The following ATP8B2 variants were observed in gnomAD, a reference collection of about 807,000 sequenced individuals.
ATP8B2 encodes phospholipid-transporting ATPase ID.
A neutral mutation model predicts 133.4 loss-of-function variants in ATP8B2; 70 were observed. That is an observed-to-expected ratio of 0.52 (90% confidence interval 0.43 to 0.64). The LOEUF (loss-of-function observed/expected upper bound fraction) is 0.64, where lower values mean the gene tolerates loss of function less well. Ranked by LOEUF, ATP8B2 falls within the 30% of genes least tolerant of loss-of-function variation. The pLI is 0.00. For synonymous variants in ATP8B2, 517 were observed against 589.5 expected (o/e 0.88, Z 1.78); for missense variants, 1,101 against 1,535.7 (o/e 0.72, Z 4.73).
chr1:154,334,686 A>T lies in ATP8B2; in HGVS notation c.837+95A>T, dbSNP rs1686114993. The T allele has an allele frequency of 9.0e-7, 1 of 1,105,862 alleles. No homozygotes were observed. The highest frequency in any genetic ancestry group is 1.3e-6 in the Non-Finnish European group (1 of 759,226). The allele number at this position is 1,105,862 out of a possible 1,614,324, so 68.5% of individuals were successfully genotyped here. ...CTTTCTTCTTTGGTCAGTAGACTTC[A>T]GGTTTGGCTTTAAAGCTGCTAGCAG... is the stretch of plus-strand genomic sequence containing the variant. On this transcript the variant is annotated intron_variant, in intron 11 of 27. Coordinates refer to ENST00000368489, the MANE Select transcript of ATP8B2 (RefSeq NM_001370597.1). This position sits in a 1 kb window ranked among gnomAD's most constrained non-coding sequence, Gnocchi z 4.6.
chr1:154,326,392 A>G (rs892932131), intron 1 of ATP8B2, among the ~76,000 whole-genome samples: 1 of 152,140 alleles, frequency 6.6e-6, no homozygotes, highest in Admixed American at 6.5e-5. Context: ...GTTTTCCTCC[A>G]TGGAGCATTG....
chr1:154,337,538 A>C lies in ATP8B2; in HGVS notation c.1028A>C (p.Tyr343Ser). 6.2e-7 allele frequency: 1 copy of C among 1,614,066 alleles called. No homozygotes were observed. Among genetic ancestry groups the C allele is most frequent in the Non-Finnish European group, 8.5e-7 (1 of 1,179,996 alleles). Residue 343 changes from tyrosine (Y) to serine (S), a missense_variant, in exon 12 of 28, where the codon TAT (tyrosine) becomes TCT (serine). By Grantham distance (144) the Tyr-to-Ser change is moderately radical (BLOSUM62 -2). Transcript: ENST00000368489. ...AACACCGTTGTGCCCATTTCACTCTATGTCAGGTATGTGCCTTCTCTGACC... is the reference window on the plus strand; with the variant it reads ...AACACCGTTGTGCCCATTTCACTCTCTGTCAGGTATGTGCCTTCTCTGACC... ...ILNTVVPISL[Y>S]VSVEVIRLGH... is the part of the protein sequence containing the mutation.
chr1:154,348,384 C>T, intron 26 of ATP8B2, 24 bp from the exon 27 acceptor site: 1 of 1,588,018 alleles, frequency 6.3e-7, no homozygotes, highest in Non-Finnish European at 8.6e-7. Context: ...ACTCCCAAGG[C>T]CACTGACTCC....
intron 12 of ATP8B2, among the ~76,000 whole-genome samples, chr1:154,339,676 G>A (rs1686310584): frequency 6.6e-6 from 1 of 152,166 alleles, no homozygotes; most frequent in African/African-American, 2.4e-5. Flanking sequence ...GGGTTGAAGA[G>A]CTGTGTGAGG....
chr1:154,336,510 G>C (rs1686188290), intron 11 of ATP8B2, among the ~76,000 whole-genome samples: 1 of 142,764 alleles, frequency 7.0e-6, no homozygotes, highest in African/African-American at 2.6e-5. Context: ...TTGAGACGGA[G>C]TCTCACTCTG....
chr1:154,339,793 C>T (rs539864372), intron 12 of ATP8B2, among the ~76,000 whole-genome samples: 21 of 152,274 alleles, frequency 1.4e-4, no homozygotes, highest in African/African-American at 4.1e-4. Flanking sequence ...CCCCATTGCT[C>T]GGCTGCACTG....
At chr1:154,329,024 C>T in intron 2 of ATP8B2, 1 of 1,303,848 alleles carries the variant, frequency 7.7e-7, no homozygotes, top group Non-Finnish European at 1.0e-6. Flanking sequence ...GAAGTGGGCC[C>T]GGGCCCAGGC....
Position 154,343,600 on chromosome 1 carries a change from G to A in ATP8B2, c.1758+32G>A, listed in dbSNP as rs753803887. 6.3e-7 allele frequency: 1 copy of A among 1,594,644 alleles called. No homozygotes were observed. Among genetic ancestry groups the A allele is most frequent in the South Asian group, 1.1e-5 (1 of 90,680 alleles). On this transcript the variant is annotated intron_variant, in intron 17 of 27. Transcript: ENST00000368489. This position sits in a 1 kb window ranked among gnomAD's most constrained non-coding sequence, Gnocchi z 5.8. ...GTGAGGAGAGGAGGGGCCAGCCTGG[G>A]GGGTTCTACTCTTAGTGTGGGGGAG...
chr1:154,345,890 G>A lies in ATP8B2; in HGVS notation c.2778+7G>A. ...TATGGGGGTCTTTGATCAGGTATGGGGGAGTTTGATGATCAGATGGGATGC... is the reference window on the plus strand; with the variant it reads ...TATGGGGGTCTTTGATCAGGTATGGAGGAGTTTGATGATCAGATGGGATGC... On this transcript the variant is annotated splice_region_variant and intron_variant, in intron 24 of 27. Coordinates refer to ENST00000368489, the MANE Select transcript of ATP8B2 (RefSeq NM_001370597.1). This position sits in a 1 kb window ranked among gnomAD's most constrained non-coding sequence, Gnocchi z 5.6. 2 of 1,602,540 alleles carry A rather than the reference G, an allele frequency of 1.2e-6. No homozygotes were observed. Among genetic ancestry groups the A allele is most frequent in the Non-Finnish European group, 1.7e-6 (2 of 1,169,506 alleles).
chr1:154,330,536 G>A (rs1199079916), intron 3 of ATP8B2, 82 bp downstream of exon 3: 1 of 1,459,004 alleles, frequency 6.9e-7, no homozygotes, highest in Non-Finnish European at 9.5e-7. Context: ...TGGGACTGAG[G>A]GCTGCCTGGG....
chr1:154,341,418 G>A, intron 13 of ATP8B2: 1 of 359,180 alleles, frequency 2.8e-6, no homozygotes, highest in Non-Finnish European at 5.4e-6. Flanking sequence ...ACTTGAGCCT[G>A]GGAGGTCAAG....
At position 154,348,844 on chromosome 1, in the gene ATP8B2, G is replaced by T; in HGVS notation, c.3299G>T (p.Arg1100Leu). Residue 1100 changes from arginine to leucine, a missense_variant, in exon 28 of 28, where the codon CGC (arginine) becomes CTC (leucine). By Grantham distance (102) the Arg-to-Leu change is moderately radical. Transcript: ENST00000368489. Reference protein sequence around the residue: ...NLKPDLSDTVRYTQLVRKKQK... With the variant: ...NLKPDLSDTVLYTQLVRKKQK... The stretch of plus-strand genomic sequence containing the variant: ...CTTCCCTGTGCCCCTCTGCAGGTCC[G>T]CTACACACAGCTCGTGAGGAAGAAG... The T allele has an allele frequency of 7.5e-6, 12 of 1,599,506 alleles. No homozygotes were observed. Among genetic ancestry groups the T allele is most frequent in the Non-Finnish European group, 1.0e-5 (12 of 1,170,584 alleles).
chr1:154,340,514 C>T lies in ATP8B2; in HGVS notation c.1035-340C>T, dbSNP rs1686343536. The T allele has an allele frequency of 7.6e-6, 2 of 263,766 alleles. No individual in the cohort carries two copies. The highest frequency in any genetic ancestry group is 1.4e-3 in the Middle Eastern group (1 of 726). 16.3% of individuals were successfully genotyped at this position (263,766 alleles called of 1,614,324 possible). A position where few individuals can be genotyped will look rare whatever the true frequency, so the allele number is the denominator to read the frequency against. ...CTCTGGCACTTTCTCTTGTTTTTCT[C>T]TGCATGGTTTCTGTATTATTAGTCC... is the stretch of plus-strand genomic sequence containing the variant. On this transcript the variant is annotated intron_variant, in intron 12 of 27. Transcript: ENST00000368489. This position sits in a 1 kb window ranked among gnomAD's most constrained non-coding sequence, Gnocchi z 4.0.
In ATP8B2 at chr1:154,331,875, T is replaced by C; in HGVS notation, c.439-79T>C. ...TGGAACTAAGCAAACCAAGAATGCT[T>C]AGTGGAAGGAGCCACCATTACAGCC... On this transcript the variant is annotated intron_variant, in intron 7 of 27. Transcript: ENST00000368489. This position sits in a 1 kb window ranked among gnomAD's most constrained non-coding sequence, Gnocchi z 4.8. 1 of 1,450,086 alleles carries C rather than the reference T, an allele frequency of 6.9e-7. No individual in the cohort carries two copies. Among genetic ancestry groups the C allele is most frequent in the Non-Finnish European group, 9.7e-7 (1 of 1,032,194 alleles). The allele number at this position is 1,450,086 out of a possible 1,614,324, so 89.8% of individuals were successfully genotyped here.
chr1:154,338,390 G>A (rs573302909), intron 12 of ATP8B2, among the ~76,000 whole-genome samples: 63 of 152,178 alleles, frequency 4.1e-4, no homozygotes, highest in Non-Finnish European at 6.9e-4. Flanking sequence ...GACTGGGCAC[G>A]GTGGCTCACA....
chr1:154,348,645 G>A, intron 27 of ATP8B2, 107 bp downstream of exon 27: 1 of 1,495,180 alleles, frequency 6.7e-7, no homozygotes, highest in East Asian at 2.3e-5. Context: ...TCAGTGTGTT[G>A]GTGCTTATCT....
chr1:154,325,822 C>T (rs944088281), intron 1 of ATP8B2, 120 bp downstream of exon 1: 2 of 152,828 alleles, frequency 1.3e-5, no homozygotes, highest in Non-Finnish European at 2.9e-5. Flanking sequence ...CTGGGGAGCA[C>T]CGGGGGCCAA....
chr1:154,331,682 A>C lies in ATP8B2; in HGVS notation c.438+4A>C. 1 of 1,613,626 alleles carries C rather than the reference A, an allele frequency of 6.2e-7. No individual in the cohort carries two copies. Among genetic ancestry groups the C allele is most frequent in the Non-Finnish European group, 8.5e-7 (1 of 1,179,480 alleles). On this transcript the variant is annotated splice_donor_region_variant and intron_variant, in intron 7 of 27. Coordinates refer to ENST00000368489, the MANE Select transcript of ATP8B2 (RefSeq NM_001370597.1). This position sits in a 1 kb window ranked among gnomAD's most constrained non-coding sequence, Gnocchi z 4.8. ...AGAAAATAACCAGTTTGTGGCGGTAAGGGACAGGGTACCCCTCTAGGCCTG... is the reference window on the plus strand; with the variant it reads ...AGAAAATAACCAGTTTGTGGCGGTACGGGACAGGGTACCCCTCTAGGCCTG...
Position 154,345,664 on chromosome 1 carries a change from A to G in ATP8B2, c.2694+119A>G, listed in dbSNP as rs1686557674. 2 of 1,312,244 alleles carry G rather than the reference A, an allele frequency of 1.5e-6. No homozygotes were observed. Among genetic ancestry groups the G allele is most frequent in the African/African-American group, 2.9e-5 (2 of 67,854 alleles). 81.3% of individuals were successfully genotyped at this position (1,312,244 alleles called of 1,614,324 possible). On this transcript the variant is annotated intron_variant, in intron 23 of 27. Transcript: ENST00000368489. This position sits in a 1 kb window ranked among gnomAD's most constrained non-coding sequence, Gnocchi z 5.6. ...TATTTTCTGGTACATACTCTTAAAA[A>G]ATGCTTATTAAAGGAGGAGAGAAGG...
Sources: gnomAD v4.1 joint callset for allele counts (sites outside exome capture counted in the v4.1 genomes callset) on GRCh38, gnomAD v4.1.1 for gene constraint, Gnocchi (gnomAD v3.1) non-coding constraint, MANE v1.5 for transcripts, NCBI Gene and HGNC (gene_info 2026-07-23, HGNC 2026-07-21) for gene names.